Variants in PIK3R3 observed in about 807,000 individuals in gnomAD.
PIK3R3 encodes the protein phosphoinositide-3-kinase regulatory subunit 3, also known as phosphatidylinositol 3-kinase regulatory subunit gamma.
In PIK3R3, 64 loss-of-function variants were observed where a neutral mutation model predicts 62.9. The observed-to-expected ratio is 1.02, with a 90% CI of 0.83 to 1.25. The LOEUF is 1.25. Ranked by LOEUF, PIK3R3 falls within the 50% of genes most tolerant of loss-of-function variation. The pLI is 0.00. For synonymous variants in PIK3R3, 165 were observed against 189.0 expected, an observed-to-expected ratio of 0.87 and a Z score of 1.04; for missense variants, 614 against 561.6, an observed-to-expected ratio of 1.09 and a Z score of -0.94.
At chr1:46,069,183 G>A in intron 3 of PIK3R3, among the ~76,000 whole-genome samples, 1 of 152,172 alleles carries the variant, frequency 6.6e-6, no homozygotes, top group East Asian at 1.9e-4. Flanking sequence ...GCAATCAGAA[G>A]AATGGAATTG....
the PIK3R3 span, among the ~76,000 whole-genome samples, chr1:46,143,213 T>A: frequency 6.6e-6 from 1 of 152,214 alleles, no homozygotes; most frequent in Non-Finnish European, 1.5e-5. Context: ...ACTGGGTAGA[T>A]CAGCTAGCTC....
intron 1 of PIK3R3, among the ~76,000 whole-genome samples, chr1:46,129,384 G>C (rs969135895): frequency 6.6e-6 from 1 of 150,896 alleles, no homozygotes; most frequent in Non-Finnish European, 1.5e-5. Flanking sequence ...TATATGAGAG[G>C]GTAAGCAATT....
chr1:46,102,275 G>A (rs1297135359), intron 1 of PIK3R3, among the ~76,000 whole-genome samples: 1 of 152,150 alleles, frequency 6.6e-6, no homozygotes, highest in Non-Finnish European at 1.5e-5. Context: ...GTGAGCCACA[G>A]CGCCCGGCCT....
the PIK3R3 span, among the ~76,000 whole-genome samples, chr1:46,161,085 G>A: frequency 6.6e-6 from 1 of 151,968 alleles, no homozygotes; most frequent in Non-Finnish European, 1.5e-5. Context: ...AAAAAGTAAT[G>A]ATTCACTTAT....
chr1:46,078,224 T>C (rs1347999854), intron 2 of PIK3R3, among the ~76,000 whole-genome samples: 2 of 152,200 alleles, frequency 1.3e-5, no homozygotes, highest in Admixed American at 1.3e-4. Context: ...AATATTAAAA[T>C]AGAAATATTC....
chr1:46,157,927 G>A, the PIK3R3 span, among the ~76,000 whole-genome samples: 3 of 152,360 alleles, frequency 2.0e-5, no homozygotes, highest in Non-Finnish European at 2.9e-5. Context: ...TTTCAGAAGA[G>A]TTAACAGCAC....
At chr1:46,103,074 T>C (rs1168004378) in intron 1 of PIK3R3, among the ~76,000 whole-genome samples, 1 of 152,008 alleles carries the variant, frequency 6.6e-6, no homozygotes, top group Non-Finnish European at 1.5e-5. Context: ...CAAAGACAAA[T>C]ATTGCATGAT....
the PIK3R3 span, among the ~76,000 whole-genome samples, chr1:46,149,994 C>T: frequency 6.6e-6 from 1 of 152,232 alleles, no homozygotes; most frequent in Non-Finnish European, 1.5e-5. Flanking sequence ...ATTCTTTTAT[C>T]CCTTTACTTT....
chr1:46,078,980 G>C (rs1245660290), intron 2 of PIK3R3, among the ~76,000 whole-genome samples: 1 of 152,150 alleles, frequency 6.6e-6, no homozygotes, highest in Non-Finnish European at 1.5e-5. Flanking sequence ...GGGGAGAATG[G>C]GGGGTTATTG....
chr1:46,132,538 C>T lies in PIK3R3; in HGVS notation c.-586G>A. ...GCCGCAGCCTCGGGAATGGGGCCGG[C>T]CGGAGAAGTCCAGTCAGCTCGGCTT... On this transcript the variant is annotated 5_prime_UTR_variant, in exon 1 of 10. Transcript: ENST00000262741. 1 of 1,254,944 alleles carries T rather than the reference C, an allele frequency of 8.0e-7. No individual in the cohort carries two copies. Among genetic ancestry groups the T allele is most frequent in the South Asian group, 1.3e-5 (1 of 75,952 alleles). The allele number at this position is 1,254,944 out of a possible 1,614,324, so 77.7% of individuals were successfully genotyped here.
chr1:46,043,966 A>T, intron 9 of PIK3R3, 95 bp from the exon 10 acceptor site: 1 of 1,097,266 alleles, frequency 9.1e-7, no homozygotes, highest in Non-Finnish European at 1.3e-6. Context: ...TGTTATGCAA[A>T]CAAGTGTTTT....
At chr1:46,169,243 A>G in the PIK3R3 span, among the ~76,000 whole-genome samples, 3 of 152,152 alleles carry the variant, frequency 2.0e-5, no homozygotes, top group Non-Finnish European at 2.9e-5. Flanking sequence ...TAGCTGGATG[A>G]TCTTAGGCAT....
the PIK3R3 span, among the ~76,000 whole-genome samples, chr1:46,142,608 G>C: frequency 6.6e-6 from 1 of 151,920 alleles, no homozygotes; most frequent in Non-Finnish European, 1.5e-5. Flanking sequence ...TGAGGCAGGA[G>C]AATGGTGTGA....
chr1:46,122,641 T>C (rs1211894544), intron 1 of PIK3R3, among the ~76,000 whole-genome samples: 2 of 152,200 alleles, frequency 1.3e-5, no homozygotes, highest in East Asian at 3.8e-4. Flanking sequence ...GTGCTGGGAT[T>C]ACAGGTGTGA....
chr1:46,077,670 G>A, intron 2 of PIK3R3, 57 bp from the exon 3 acceptor site: 5 of 1,046,838 alleles, frequency 4.8e-6, no homozygotes, highest in Non-Finnish European at 6.0e-6. Flanking sequence ...GGCTTCGGCA[G>A]TAGGTGTGCC....
At chr1:46,133,047 G>A (rs1655766702), upstream of PIK3R3, 4 of 1,022,666 alleles carry the variant, frequency 3.9e-6, no homozygotes, top group Non-Finnish European at 4.7e-6. Flanking sequence ...GCCGGAGCCT[G>A]GAGCCTGCGT....
intron 1 of PIK3R3, among the ~76,000 whole-genome samples, chr1:46,110,086 C>T (rs1175164186): frequency 6.6e-6 from 1 of 151,640 alleles, no homozygotes. Flanking sequence ...CCATCCCTAT[C>T]TCTTTTACCA....
chr1:46,077,529 A>AT lies in PIK3R3; in HGVS notation c.299dup (p.Tyr100Ter). 1.2e-6 allele frequency: 2 copies of AT among 1,606,448 alleles called. No homozygotes were observed. Among genetic ancestry groups the AT allele is most frequent in the Non-Finnish European group, 1.7e-6 (2 of 1,173,098 alleles). Reference sequence around the variant, plus strand: ...AAAGTACTTACCGCAAAGTCAAAGTATAATCTCCCTGCATTTTTGTTGAGG... The same window carrying AT: ...AAAGTACTTACCGCAAAGTCAAAGTATTAATCTCCCTGCATTTTTGTTGAGG... ...RDASTKMQGD[Y>*]TLTLRKGGNN... Residue 100 changes from tyrosine (Y) to a stop codon, truncating the protein, a stop_gained and frameshift_variant, in exon 3 of 10, where the codon TAT becomes TAAT. Coordinates refer to ENST00000262741, the MANE Select transcript of PIK3R3 (RefSeq NM_003629.4). LOFTEE classifies it high-confidence loss of function.
At chr1:46,087,563 T>C (rs1251999481) in intron 1 of PIK3R3, among the ~76,000 whole-genome samples, 1 of 150,192 alleles carries the variant, frequency 6.7e-6, no homozygotes, top group African/African-American at 2.4e-5. Context: ...ACAGATATTC[T>C]AGGGTTACCC....
Sources: gnomAD v4.1 joint callset for allele counts (sites outside exome capture counted in the v4.1 genomes callset) on GRCh38, gnomAD v4.1.1 for gene constraint, MANE v1.5 for transcripts, NCBI Gene and HGNC (gene_info 2026-07-23, HGNC 2026-07-21) for gene names.